The following ZNF407 variants were observed in gnomAD, a reference collection of about 807,000 sequenced individuals.
ZNF407 encodes the protein zinc finger protein 407.
A neutral mutation model predicts 131.2 loss-of-function variants in ZNF407; 17 were observed. That is an observed-to-expected ratio of 0.13 (90% CI 0.09 to 0.19). The LOEUF (loss-of-function observed/expected upper bound fraction) is 0.19. ZNF407 is among the 10% of genes least tolerant of loss of function. ZNF407 has a pLI of 1.00. For missense variants in ZNF407, 2,681 were observed against 2,830.6 expected (o/e 0.95, Z 1.20); for synonymous variants, 1,156 against 1,062.0 (o/e 1.09, Z -1.72).
intron 3 of ZNF407, among the ~76,000 whole-genome samples, chr18:74,748,391 CATGATTATTCA>C (rs773913659): frequency 3.2e-4 from 49 of 151,250 alleles, no homozygotes; most frequent in Non-Finnish European, 5.6e-4. Flanking sequence ...CTATTGAGAA[CATGATTATTCA>C]AATAGCCTTT....
In ZNF407 at chr18:74,757,209, TTTTA is replaced by T. The variant is rs200313221; in HGVS notation, c.4803-24212_4803-24209del. On this transcript the variant is annotated intron_variant, in intron 3 of 8. Transcript: ENST00000299687. Reference sequence around the variant, plus strand: ...TGAGATCTTTTATTCGTTTATTTTATTTTATTTATTATTTTTAAGGAAGTCAAAT... The same window carrying T: ...TGAGATCTTTTATTCGTTTATTTTATTTTATTATTTTTAAGGAAGTCAAAT... 3.3e-5 allele frequency among the ~76,000 whole-genome samples: 5 copies of T among 152,130 alleles called. No homozygotes were observed. The East Asian group carries it at 9.6e-4, about 29-fold the overall frequency.
chr18:74,921,613 G>A lies in ZNF407; in HGVS notation c.5428+921G>A, dbSNP rs530920698. ...TCACCAAGCCTGAGGTTTCCCATAC[G>A]TAAATCTGCATGATAGTACCTACTA... On this transcript the variant is annotated intron_variant, in intron 8 of 8. Transcript: ENST00000299687. Among the ~76,000 whole-genome samples, 304 of 152,266 alleles carry A rather than the reference G, an allele frequency of 2.0e-3. 1 individual carries two copies. The highest frequency in any genetic ancestry group is 0.02 in the South Asian group (95 of 4,824).
intron 4 of ZNF407, among the ~76,000 whole-genome samples, chr18:74,805,884 A>G (rs1175917621): frequency 6.6e-6 from 1 of 152,216 alleles, no homozygotes; most frequent in Admixed American, 6.5e-5. Flanking sequence ...GAAAATTGAG[A>G]TACTCCTACT....
intron 1 of ZNF407, among the ~76,000 whole-genome samples, chr18:74,620,025 TA>T (rs36173609): frequency 1.2e-4 from 17 of 147,338 alleles, no homozygotes; most frequent in African/African-American, 3.5e-4. Context: ...TCCCAATAAT[TA>T]AAAAAAAAAA....
intron 4 of ZNF407, chr18:74,804,242 A>G (rs1349038460): frequency 8.1e-7 from 1 of 1,232,706 alleles, no homozygotes; most frequent in African/African-American, 1.5e-5. Context: ...ATTTTCTGGA[A>G]GGAACTGTTA....
chr18:74,830,010 A>T (rs1474037869), intron 4 of ZNF407, among the ~76,000 whole-genome samples: 2 of 152,078 alleles, frequency 1.3e-5, no homozygotes, highest in East Asian at 3.9e-4. Context: ...TTTTGATGGG[A>T]TTGGTTTCCT....
chr18:74,616,821 CG>C (rs1983310974), intron 1 of ZNF407, among the ~76,000 whole-genome samples: 1 of 58,350 alleles, frequency 1.7e-5, no homozygotes, highest in Non-Finnish European at 3.6e-5. Context: ...ACACACCACA[CG>C]CATCCATATC....
At chr18:74,857,785 A>G (rs1226782254) in intron 4 of ZNF407, among the ~76,000 whole-genome samples, 1 of 151,984 alleles carries the variant, frequency 6.6e-6, no homozygotes, top group African/African-American at 2.4e-5. Context: ...TTGTTTGATT[A>G]TATTTGGTTA....
chr18:74,709,801 A>C (rs1425250297), intron 3 of ZNF407, among the ~76,000 whole-genome samples: 1 of 152,234 alleles, frequency 6.6e-6, no homozygotes, highest in Non-Finnish European at 1.5e-5. Context: ...GGGAATGAAC[A>C]GATATAATTG....
chr18:74,957,886 A>C (rs1972294805), intron 8 of ZNF407, among the ~76,000 whole-genome samples: 3 of 152,192 alleles, frequency 2.0e-5, no homozygotes, highest in Non-Finnish European at 4.4e-5. Flanking sequence ...TTCTAGGGGA[A>C]AGTGATGATT....
intron 7 of ZNF407, among the ~76,000 whole-genome samples, chr18:74,912,256 G>C (rs768400422): frequency 6.6e-6 from 1 of 151,922 alleles, no homozygotes; most frequent in African/African-American, 2.4e-5. Flanking sequence ...TTTATTATTG[G>C]CCCGGTTCTC....
intron 1 of ZNF407, chr18:74,598,560 C>G (rs1467685548): frequency 6.6e-6 from 1 of 152,374 alleles, no homozygotes; most frequent in Non-Finnish European, 1.5e-5. Context: ...GGCTGCGCCG[C>G]TGCTACTCGC....
At chr18:75,011,938 T>G (rs1972978797) in intron 8 of ZNF407, among the ~76,000 whole-genome samples, 1 of 152,148 alleles carries the variant, frequency 6.6e-6, no homozygotes, top group African/African-American at 2.4e-5. Flanking sequence ...CTAGTAAAAT[T>G]TACATAGTCA....
intron 4 of ZNF407, chr18:74,804,731 G>T (rs1428763965): frequency 3.6e-5 from 21 of 577,570 alleles, no homozygotes; most frequent in Admixed American, 6.3e-5. Context: ...ATATTCTCCG[G>T]AAGGTTAGCC....
intron 8 of ZNF407, among the ~76,000 whole-genome samples, chr18:75,018,913 C>T (rs955748032): frequency 6.6e-6 from 1 of 152,068 alleles, no homozygotes; most frequent in African/African-American, 2.4e-5. Flanking sequence ...TGTATATTAA[C>T]TCTTTAACTG....
chr18:74,807,670 G>A (rs1168542109), intron 4 of ZNF407, among the ~76,000 whole-genome samples: 1 of 152,166 alleles, frequency 6.6e-6, no homozygotes, highest in Admixed American at 6.5e-5. Context: ...ACACCATGAT[G>A]ATTTGATTCC....
At chr18:74,929,021 G>A (rs933454645) in intron 8 of ZNF407, among the ~76,000 whole-genome samples, 1 of 152,140 alleles carries the variant, frequency 6.6e-6, no homozygotes, top group Admixed American at 6.5e-5. Flanking sequence ...TTAAAATAAA[G>A]TTAGAGTACA....
In ZNF407 at chr18:74,763,196, C is replaced by CTTTTTTTT. The variant is rs71170316; in HGVS notation, c.4803-18212_4803-18205dup. Among the ~76,000 whole-genome samples the CTTTTTTTT allele has an allele frequency of 1.7e-4, 3 of 17,784 alleles. 1 individual carries two copies. The highest frequency in any genetic ancestry group is 2.4e-4 in the Non-Finnish European group (2 of 8,418). The allele number at this position is 17,784 out of a possible 152,430, so 11.7% of individuals were successfully genotyped here. On this transcript the variant is annotated intron_variant, in intron 3 of 8. Transcript: ENST00000299687. ...ATGATTTTGAGCATCTTCTTAGGAC[C>CTTTTTTTT]TTTTTTTTTTTTTTTTTTTTTTTTT...
intron 8 of ZNF407, among the ~76,000 whole-genome samples, chr18:75,047,713 C>T (rs993571931): frequency 1.3e-5 from 2 of 152,224 alleles, no homozygotes; most frequent in South Asian, 2.1e-4. Context: ...GTAATGCAAA[C>T]GTACAAGCAC....
Sources: gnomAD v4.1 joint callset for allele counts (sites outside exome capture counted in the v4.1 genomes callset) on GRCh38, gnomAD v4.1.1 for gene constraint, MANE v1.5 for transcripts, NCBI Gene and HGNC (gene_info 2026-07-23, HGNC 2026-07-21) for gene names.